Variants in B3GALT1 observed in about 807,000 individuals in gnomAD.
B3GALT1 encodes beta-1,3-galactosyltransferase 1.
In B3GALT1, 10 loss-of-function variants were observed where a neutral mutation model predicts 23.2. That is an observed-to-expected ratio of 0.43 (90% CI 0.27 to 0.73). The LOEUF (loss-of-function observed/expected upper bound fraction) is 0.73. B3GALT1 is among the 30% of genes least tolerant of loss of function. The pLI is 0.21. For synonymous variants in B3GALT1, 156 were observed against 141.5 expected (o/e 1.10, Z -0.73); for missense variants, 299 against 405.4 (o/e 0.74, Z 2.25).
chr2:167,828,372 G>GAATT (rs1689272865), intron 4 of B3GALT1, among the ~76,000 whole-genome samples: 1 of 152,164 alleles, frequency 6.6e-6, no homozygotes, highest in South Asian at 2.1e-4. Flanking sequence ...ACTGCCGAAT[G>GAATT]AATTAATAAA....
intron 3 of B3GALT1, among the ~76,000 whole-genome samples, chr2:167,813,593 A>G (rs1688934577): frequency 6.6e-6 from 1 of 152,220 alleles, no homozygotes; most frequent in Non-Finnish European, 1.5e-5. Flanking sequence ...AGGAGTTAAT[A>G]TGGGTATAGG....
chr2:167,669,437 A>C (rs1686281335), intron 3 of B3GALT1, among the ~76,000 whole-genome samples: 1 of 152,200 alleles, frequency 6.6e-6, no homozygotes, highest in Non-Finnish European at 1.5e-5. Flanking sequence ...CCAAGAAACG[A>C]AGAAATCAGA....
intron 3 of B3GALT1, among the ~76,000 whole-genome samples, chr2:167,712,571 C>T (rs6433008): frequency 0.05 from 7,528 of 151,840 alleles, 630 homozygotes; most frequent in African/African-American, 0.17. Flanking sequence ...TAAAGTTTTG[C>T]GGGGTTTGTT....
chr2:167,351,133 G>A (rs1049396871), intron 1 of B3GALT1, among the ~76,000 whole-genome samples: 1 of 152,048 alleles, frequency 6.6e-6, no homozygotes, highest in Non-Finnish European at 1.5e-5. Flanking sequence ...GCTGGGCATG[G>A]TGGCGGGTGC....
At chr2:167,563,990 C>T (rs1211436189) in intron 2 of B3GALT1, among the ~76,000 whole-genome samples, 2 of 144,210 alleles carry the variant, frequency 1.4e-5, no homozygotes, top group Admixed American at 6.8e-5. Context: ...GGCAGCCGGC[C>T]GGACGGGGGG....
chr2:167,689,126 G>A (rs1293626896), intron 3 of B3GALT1, among the ~76,000 whole-genome samples: 12 of 108,354 alleles, frequency 1.1e-4, no homozygotes, highest in Non-Finnish European at 1.9e-4. Flanking sequence ...GTCAAACCTC[G>A]CCCCCAAAAA....
chr2:167,742,667 AT>A (rs975785788), intron 3 of B3GALT1, among the ~76,000 whole-genome samples: 6 of 151,930 alleles, frequency 3.9e-5, no homozygotes, highest in African/African-American at 1.5e-4. Context: ...ATAAGAACCC[AT>A]TTTTTTTAAG....
intron 4 of B3GALT1, among the ~76,000 whole-genome samples, chr2:167,827,164 A>AGAT (rs141287816): frequency 0.013 from 2,005 of 152,286 alleles, 31 homozygotes; most frequent in Middle Eastern, 0.048. Context: ...TCTCTGTGCC[A>AGAT]GATGCCTCAC....
intron 1 of B3GALT1, among the ~76,000 whole-genome samples, chr2:167,427,999 A>G (rs980938109): frequency 1.3e-5 from 2 of 152,232 alleles, no homozygotes; most frequent in African/African-American, 4.8e-5. Flanking sequence ...TCCTAATGCA[A>G]TAAAGTGCAG....
chr2:167,360,896 C>T (rs921864475), intron 1 of B3GALT1, among the ~76,000 whole-genome samples: 1 of 152,238 alleles, frequency 6.6e-6, no homozygotes, highest in South Asian at 2.1e-4. Flanking sequence ...AACCATCATT[C>T]TACTCTCTAA....
intron 1 of B3GALT1, among the ~76,000 whole-genome samples, chr2:167,403,770 G>A (rs773737043): frequency 3.3e-5 from 5 of 151,998 alleles, no homozygotes; most frequent in African/African-American, 4.8e-5. Flanking sequence ...CCTGAAATAA[G>A]GTTGGTGAGG....
chr2:167,453,581 C>CTGT (rs113692580), intron 1 of B3GALT1, among the ~76,000 whole-genome samples: 23,684 of 151,974 alleles, frequency 0.16, 2,728 homozygotes, highest in African/African-American at 0.34. Flanking sequence ...CTACATTTTT[C>CTGT]TGTTTAGGAA....
chr2:167,796,715 C>T (rs6738797), intron 3 of B3GALT1, among the ~76,000 whole-genome samples: 4,191 of 152,256 alleles, frequency 0.028, 87 homozygotes, highest in South Asian at 0.069. Context: ...TGTGCCACTG[C>T]ACTCCAGCCT....
At chr2:167,774,498 T>TTTTTTTTTTTTTTTTTTTG (rs1558974793) in intron 3 of B3GALT1, among the ~76,000 whole-genome samples, 4 of 34,460 alleles carry the variant, frequency 1.2e-4, no homozygotes, top group Non-Finnish European at 1.8e-4. Flanking sequence ...TTTTTTTTTG[T>TTTTTTTTTTTTTTTTTTTG]TTTTTTTTTT....
Position 167,602,349 on chromosome 2 carries a change from T to C in B3GALT1, c.-409-44560T>C, listed in dbSNP as rs547094929. ...GACAGAGAGCTGCAGTGCCACACAA[T>C]TGAACAGTTCCGGAGTACTCAATAC... On this transcript the variant is annotated intron_variant, in intron 2 of 4. Transcript: ENST00000392690. 1.5e-3 allele frequency among the ~76,000 whole-genome samples: 221 copies of C among 152,198 alleles called. 1 individual carries two copies. Among genetic ancestry groups the C allele is most frequent in the Non-Finnish European group, 2.8e-3 (188 of 68,014 alleles).
At chr2:167,809,245 C>G (rs1264841351) in intron 3 of B3GALT1, among the ~76,000 whole-genome samples, 1 of 152,112 alleles carries the variant, frequency 6.6e-6, no homozygotes, top group Non-Finnish European at 1.5e-5. Flanking sequence ...TCCTTTAGCT[C>G]GGAGTAGTTT....
intron 1 of B3GALT1, among the ~76,000 whole-genome samples, chr2:167,370,503 A>T (rs1697664930): frequency 6.6e-6 from 1 of 152,192 alleles, no homozygotes; most frequent in Non-Finnish European, 1.5e-5. Flanking sequence ...ACACAGACGC[A>T]GGCCCCATTT....
intron 1 of B3GALT1, among the ~76,000 whole-genome samples, chr2:167,313,430 T>G (rs897579726): frequency 6.6e-6 from 1 of 152,138 alleles, no homozygotes; most frequent in Non-Finnish European, 1.5e-5. Flanking sequence ...TAGTTTTAAT[T>G]TAAACATAAA....
intron 3 of B3GALT1, among the ~76,000 whole-genome samples, chr2:167,795,251 A>G (rs557859161): frequency 6.6e-6 from 1 of 152,338 alleles, no homozygotes; most frequent in East Asian, 1.9e-4. Context: ...AAGAGAGCCA[A>G]AACTCTAAGG....
Sources: gnomAD v4.1 joint callset for allele counts (sites outside exome capture counted in the v4.1 genomes callset) on GRCh38, gnomAD v4.1.1 for gene constraint, MANE v1.5 for transcripts, NCBI Gene and HGNC (gene_info 2026-07-23, HGNC 2026-07-21) for gene names.